The following FRMPD4 variants were observed in gnomAD, a reference collection of about 807,000 sequenced individuals.
FRMPD4 encodes FERM and PDZ domain containing 4, also known as FERM and PDZ domain-containing protein 4.
Under a neutral mutation model 94.1 loss-of-function variants are expected in FRMPD4, and 22 were observed. The observed-to-expected ratio is 0.23, with a 90% CI of 0.17 to 0.33. FRMPD4 has a LOEUF of 0.33. Among genes scored for constraint, FRMPD4 ranks in the 10% least tolerant of loss-of-function variants. The probability of loss-of-function intolerance (pLI) is 1.00; values close to 1 mark genes in which losing one functional copy is unlikely to be tolerated. For missense variants in FRMPD4, 1,111 were observed against 1,339.9 expected (o/e 0.83, Z 2.67); for synonymous variants, 631 against 548.6 (o/e 1.15, Z -2.10).
In FRMPD4 at chrX:12,722,375, G is replaced by A. The variant is rs1385609858; in HGVS notation, c.*517G>A. The A allele has an allele frequency of 8.9e-6, 1 of 112,338 alleles. No homozygotes were observed. Among genetic ancestry groups the A allele is most frequent in the Non-Finnish European group, 1.9e-5 (1 of 53,253 alleles). The allele number at this position is 112,338 out of a possible 1,213,427, so 9.3% of individuals were successfully genotyped here. On this transcript the variant is annotated 3_prime_UTR_variant, in exon 17 of 17. Transcript: ENST00000675598. ...TTCAAGAAGCTATTATGAATTACTAGAGAATATATCTGTAATAAATTAATT... is the reference window on the plus strand; with the variant it reads ...TTCAAGAAGCTATTATGAATTACTAAAGAATATATCTGTAATAAATTAATT...
intron 3 of FRMPD4, among the ~76,000 whole-genome samples, chrX:12,066,876 TG>T (rs747753551): frequency 1.7e-4 from 18 of 103,213 alleles, no homozygotes; most frequent in Non-Finnish European, 3.6e-4. Flanking sequence ...TTTTTGTTTT[TG>T]TTTTTTTTTT....
chrX:12,029,105 G>C (rs1278803661), intron 3 of FRMPD4, among the ~76,000 whole-genome samples: 1 of 112,246 alleles, frequency 8.9e-6, no homozygotes, highest in Non-Finnish European at 1.9e-5. Flanking sequence ...CTAGCAATGA[G>C]TAGGAGTTCT....
intron 1 of FRMPD4, among the ~76,000 whole-genome samples, chrX:12,325,657 C>A: frequency 8.9e-6 from 1 of 112,317 alleles, no homozygotes; most frequent in Non-Finnish European, 1.9e-5. Flanking sequence ...AACTTGCCAA[C>A]CCCTTCAAAC....
intron 3 of FRMPD4, among the ~76,000 whole-genome samples, chrX:12,046,019 G>T (rs772933277): frequency 4.5e-5 from 5 of 110,901 alleles, no homozygotes; most frequent in Admixed American, 9.6e-5. Context: ...AGACCACTAC[G>T]CAATGAAAAA....
chrX:12,260,640 G>C (rs977440049), intron 1 of FRMPD4, among the ~76,000 whole-genome samples: 1 of 111,810 alleles, frequency 8.9e-6, no homozygotes, highest in Non-Finnish European at 1.9e-5. Context: ...GCAGTTCCCC[G>C]TTCACTTATC....
rs1261566461 is a variant in FRMPD4, at chrX:12,075,250, T to G, written c.95+197232T>G. Among the ~76,000 whole-genome samples, 3 of 110,843 alleles carry G rather than the reference T, an allele frequency of 2.7e-5. No individual in the cohort carries two copies. In the East Asian group the frequency reaches 8.5e-4, roughly 31 times the overall value. On this transcript the variant is annotated intron_variant, in intron 3 of 18. Transcript: ENST00000640291. The stretch of plus-strand genomic sequence containing the variant: ...ATGGGGTGAACCCTTATGTAAACTA[T>G]GGGCTCTGTGTGATAATGTTGTATC...
chrX:11,858,242 C>G (rs1055932897), intron 1 of FRMPD4, among the ~76,000 whole-genome samples: 9 of 111,604 alleles, frequency 8.1e-5, no homozygotes, highest in Non-Finnish European at 1.1e-4. Context: ...ATTATAAAGA[C>G]ATATGTACGT....
intron 14 of FRMPD4, 68 bp from the exon 15 acceptor site, chrX:12,716,001 T>TGGGGGGC: frequency 4.3e-6 from 1 of 231,654 alleles, no homozygotes; most frequent in Non-Finnish European, 8.2e-6. Flanking sequence ...GAGACGAGCC[T>TGGGGGGC]CCCACCCCCG....
At position 11,991,507 on chromosome X, in the gene FRMPD4, G is replaced by A. The variant is rs183252782; in HGVS notation, c.95+113489G>A. Among the ~76,000 whole-genome samples the A allele has an allele frequency of 8.7e-3, 971 of 111,898 alleles. 7 individuals are homozygous for A. The highest frequency in any genetic ancestry group is 0.014 in the Middle Eastern group (3 of 217). ...TAAGATTTCAATAGACCATGGAGGT[G>A]TACACTATACTAGAATTTCTAACCT... On this transcript the variant is annotated intron_variant, in intron 3 of 18. Coordinates refer to the FRMPD4 transcript ENST00000640291.
intron 1 of FRMPD4, among the ~76,000 whole-genome samples, chrX:12,261,361 GA>G (rs2054186119): frequency 1.8e-5 from 2 of 111,809 alleles, no homozygotes; most frequent in Non-Finnish European, 3.8e-5. Context: ...ATTGATTTAA[GA>G]AAAAAAGAAG....
intron 2 of FRMPD4, among the ~76,000 whole-genome samples, chrX:12,605,291 A>G (rs759878553): frequency 8.9e-6 from 1 of 112,507 alleles, no homozygotes; most frequent in South Asian, 3.7e-4. Flanking sequence ...CATAGGCAAC[A>G]TGCTCATAGG....
intron 3 of FRMPD4, among the ~76,000 whole-genome samples, chrX:12,013,565 A>G (rs1436291253): frequency 8.8e-6 from 1 of 113,015 alleles, no homozygotes; most frequent in African/African-American, 3.2e-5. Flanking sequence ...TAACTCCTGT[A>G]TCAATGAAGG....
intron 1 of FRMPD4, among the ~76,000 whole-genome samples, chrX:12,239,040 G>A (rs2057101653): frequency 8.9e-6 from 1 of 112,262 alleles, no homozygotes; most frequent in South Asian, 3.7e-4. Flanking sequence ...CATCGTATAT[G>A]AATTATTTGT....
At chrX:12,263,766 G>C (rs1486846690) in intron 1 of FRMPD4, among the ~76,000 whole-genome samples, 1 of 109,157 alleles carries the variant, frequency 9.2e-6, no homozygotes, top group Non-Finnish European at 1.9e-5. Flanking sequence ...TGCTATAACA[G>C]AATACCACAG....
intron 1 of FRMPD4, among the ~76,000 whole-genome samples, chrX:12,375,542 ACTT>A (rs960848569): frequency 3.7e-4 from 41 of 112,283 alleles, no homozygotes; most frequent in Admixed American, 3.2e-3. Flanking sequence ...AGTCCCTCTG[ACTT>A]CTTCTTCTGC....
chrX:12,714,269 T>C (rs1407240005), intron 14 of FRMPD4, among the ~76,000 whole-genome samples: 5 of 111,390 alleles, frequency 4.5e-5, no homozygotes, highest in Admixed American at 3.8e-4. Flanking sequence ...CCATGCTCCC[T>C]TCAAAGGCTT....
At chrX:12,417,536 G>A (rs1438984205) in intron 1 of FRMPD4, among the ~76,000 whole-genome samples, 28 of 93,912 alleles carry the variant, frequency 3.0e-4, no homozygotes, top group African/African-American at 8.5e-4. Flanking sequence ...CCAAGATTGC[G>A]CCATCATACT....
At chrX:12,423,932 T>C (rs886729287) in intron 1 of FRMPD4, among the ~76,000 whole-genome samples, 4 of 105,716 alleles carry the variant, frequency 3.8e-5, no homozygotes, top group Admixed American at 2.1e-4. Context: ...TGTTGTCTTA[T>C]ACTGTTAAGT....
chrX:12,473,710 G>C (rs2057550404), intron 1 of FRMPD4, among the ~76,000 whole-genome samples: 2 of 109,827 alleles, frequency 1.8e-5, no homozygotes, highest in Admixed American at 9.5e-5. Context: ...GATCAAAAGA[G>C]ACAAAGAAGG....
Sources: gnomAD v4.1 joint callset for allele counts (sites outside exome capture counted in the v4.1 genomes callset) on GRCh38, gnomAD v4.1.1 for gene constraint, MANE v1.5 for transcripts, NCBI Gene and HGNC (gene_info 2026-07-23, HGNC 2026-07-21) for gene names.